Variants in TFAP2E observed in about 807,000 individuals in gnomAD.
TFAP2E encodes the protein transcription factor AP-2 epsilon, also known as transcription factor AP-2-epsilon.
Under a neutral mutation model 37.9 loss-of-function variants are expected in TFAP2E, and 30 were observed. The ratio of observed to expected loss-of-function variants is 0.79; its 90% CI spans 0.59 to 1.07. The LOEUF (loss-of-function observed/expected upper bound fraction) is 1.07. Among genes scored for constraint, TFAP2E ranks in the 50% least tolerant of loss-of-function variants. The pLI is 0.00. For missense variants in TFAP2E, 567 were observed against 637.9 expected (o/e 0.89, Z 1.20); for synonymous variants, 318 against 295.8 (o/e 1.08, Z -0.77).
At chr1:35,585,782 C>T (rs1485401584) in intron 3 of TFAP2E, among the ~76,000 whole-genome samples, 1 of 152,154 alleles carries the variant, frequency 6.6e-6, no homozygotes, top group Non-Finnish European at 1.5e-5. Flanking sequence ...TGGTGGCTCA[C>T]CCCTTTAATT....
chr1:35,573,624 G>A lies in TFAP2E; in HGVS notation c.27+20G>A. 1 of 1,538,806 alleles carries A rather than the reference G, an allele frequency of 6.5e-7. No individual in the cohort carries two copies. Among genetic ancestry groups the A allele is most frequent in the Non-Finnish European group, 8.8e-7 (1 of 1,142,774 alleles). ...GCCATGGTGAGTAGTCTCGGGCCCG[G>A]GACATATTCGGCCGGGGGATCGGGG... On this transcript the variant is annotated intron_variant, in intron 1 of 6. Coordinates refer to ENST00000373235, the MANE Select transcript of TFAP2E (RefSeq NM_178548.4). The surrounding 1 kb of genome is among the most constrained non-coding windows in gnomAD (Gnocchi z 5.9).
chr1:35,582,576 C>T (rs1422299998), intron 3 of TFAP2E, among the ~76,000 whole-genome samples: 2 of 147,482 alleles, frequency 1.4e-5, no homozygotes, highest in African/African-American at 5.0e-5. Context: ...CTCCTGGCTT[C>T]CAGTGATCCT....
intron 3 of TFAP2E, among the ~76,000 whole-genome samples, chr1:35,585,104 T>C (rs540380431): frequency 6.6e-6 from 1 of 151,886 alleles, no homozygotes; most frequent in Admixed American, 6.6e-5. Context: ...TGCACAGGGG[T>C]TGGTGCCTAA....
rs2148554403 is a variant in TFAP2E at position 35,591,681 on chromosome 1, AT to A, written c.1046+909del. Among the ~76,000 whole-genome samples, 2 of 152,240 alleles carry A rather than the reference AT, an allele frequency of 1.3e-5. 1 individual carries two copies. The highest frequency in any genetic ancestry group is 4.2e-4 in the South Asian group (2 of 4,816). On this transcript the variant is annotated intron_variant, in intron 6 of 6. Coordinates refer to ENST00000373235, the MANE Select transcript of TFAP2E (RefSeq NM_178548.4). ...TTTAACAAACTAGTATTCTATTAAG[AT>A]TTAGTTTTGTTTTTGTTTTTTGAGA...
chr1:35,573,499 C>T lies in TFAP2E; in HGVS notation c.-79C>T. 2 of 1,403,740 alleles carry T rather than the reference C, an allele frequency of 1.4e-6. No individual in the cohort carries two copies. The highest frequency in any genetic ancestry group is 3.7e-5 in the Admixed American group (1 of 27,254). 87.0% of individuals were successfully genotyped at this position (1,403,740 alleles called of 1,614,324 possible). ...GACCTCCGCGGGCTGTGCCGGCTCC[C>T]GGCGCCTCTGCCCGCAGCGCTCGCC... On this transcript the variant is annotated 5_prime_UTR_variant, in exon 1 of 7. Coordinates refer to ENST00000373235, the MANE Select transcript of TFAP2E (RefSeq NM_178548.4). The surrounding 1 kb of genome is among the most constrained non-coding windows in gnomAD (Gnocchi z 5.9).
Position 35,588,211 on chromosome 1 carries a change from A to G in TFAP2E, c.563-119A>G, listed in dbSNP as rs1028529325. The stretch of plus-strand genomic sequence containing the variant: ...TCCATCAGTTGAGGGAACTTGGGCG[A>G]GTCACTTTCACCTCACTGTGGCTCA... On this transcript the variant is annotated intron_variant, in intron 3 of 6. Transcript: ENST00000373235. This position sits in a 1 kb window ranked among gnomAD's most constrained non-coding sequence, Gnocchi z 5.1. 2.0e-6 allele frequency: 2 copies of G among 996,096 alleles called. No homozygotes were observed. The highest frequency in any genetic ancestry group is 2.8e-5 in the Admixed American group (1 of 35,976). The allele number at this position is 996,096 out of a possible 1,614,324, so 61.7% of individuals were successfully genotyped here. A position where few individuals can be genotyped will look rare whatever the true frequency, so the allele number is the denominator to read the frequency against.
chr1:35,594,209 T>C (rs1649764167), intron 6 of TFAP2E, among the ~76,000 whole-genome samples, 185 bp from the exon 7 acceptor site: 1 of 152,236 alleles, frequency 6.6e-6, no homozygotes, highest in Admixed American at 6.5e-5. Flanking sequence ...GATACTGGGC[T>C]AGTCAAATGA....
intron 2 of TFAP2E, 35 bp from the exon 3 acceptor site, chr1:35,574,914 T>C (rs1216058175): frequency 6.2e-7 from 1 of 1,613,394 alleles, no homozygotes; most frequent in East Asian, 2.2e-5. Flanking sequence ...GCTAGGGCTT[T>C]ATGCGCCCTC....
At position 35,577,288 on chromosome 1, in the gene TFAP2E, C is replaced by G. The variant is rs920825438; in HGVS notation, c.562+2288C>G. On this transcript the variant is annotated intron_variant, in intron 3 of 6. Coordinates refer to ENST00000373235, the MANE Select transcript of TFAP2E (RefSeq NM_178548.4). The surrounding 1 kb of genome is among the most constrained non-coding windows in gnomAD (Gnocchi z 6.3). Reference sequence around the variant, plus strand: ...CTTGCTCCCTGGAGCCGCCCCTCCCCACACCTGCCCTCGGCGCCCCCAGCA... The same window carrying G: ...CTTGCTCCCTGGAGCCGCCCCTCCCGACACCTGCCCTCGGCGCCCCCAGCA... The G allele has an allele frequency of 5.0e-5, 22 of 439,680 alleles. No homozygotes were observed. The highest frequency in any genetic ancestry group is 8.3e-5 in the Non-Finnish European group (18 of 216,678). 27.2% of individuals were successfully genotyped at this position (439,680 alleles called of 1,614,324 possible).
intron 3 of TFAP2E, among the ~76,000 whole-genome samples, chr1:35,581,575 T>C (rs1649349824): frequency 1.3e-5 from 2 of 151,082 alleles, no homozygotes; most frequent in Admixed American, 6.6e-5. Context: ...GTCTTTTTTT[T>C]CTTTTTTTTT....
rs149405268 is a variant in TFAP2E at position 35,579,725 on chromosome 1, G to A, written c.562+4725G>A. Among the ~76,000 whole-genome samples the A allele has an allele frequency of 2.5e-3, 375 of 152,174 alleles. 2 individuals carry two copies. Among genetic ancestry groups the A allele is most frequent in the African/African-American group, 8.0e-3 (334 of 41,524 alleles). ...AAATGAAAATAGTGCAAAAATCCAC[G>A]ATAAACAAAATATCAAAAATTTACT... On this transcript the variant is annotated intron_variant, in intron 3 of 6. Coordinates refer to ENST00000373235, the MANE Select transcript of TFAP2E (RefSeq NM_178548.4).
Position 35,577,568 on chromosome 1 carries a change from C to A in TFAP2E, c.562+2568C>A. The A allele has an allele frequency of 2.6e-6, 1 of 383,152 alleles. No individual in the cohort carries two copies. Among genetic ancestry groups the A allele is most frequent in the South Asian group, 1.8e-5 (1 of 56,672 alleles). The allele number at this position is 383,152 out of a possible 1,614,324, so 23.7% of individuals were successfully genotyped here. On this transcript the variant is annotated intron_variant, in intron 3 of 6. Coordinates refer to ENST00000373235, the MANE Select transcript of TFAP2E (RefSeq NM_178548.4). This position sits in a 1 kb window ranked among gnomAD's most constrained non-coding sequence, Gnocchi z 6.3. The stretch of plus-strand genomic sequence containing the variant: ...CAGTGCCTCCCAGCCTGGGCGGGAG[C>A]GGCGGCTGCGTCGCTGAAGGTTGGG...
chr1:35,578,558 A>G (rs1348797156), intron 3 of TFAP2E, among the ~76,000 whole-genome samples: 1 of 152,126 alleles, frequency 6.6e-6, no homozygotes, highest in East Asian at 1.9e-4. Flanking sequence ...GTGGTTGCCT[A>G]CTTGGGGGTG....
At chr1:35,592,556 T>A (rs1649718761) in intron 6 of TFAP2E, among the ~76,000 whole-genome samples, 2 of 152,010 alleles carry the variant, frequency 1.3e-5, no homozygotes, top group Admixed American at 6.6e-5. Flanking sequence ...TGCCACCACA[T>A]CTGGTTAATT....
intron 6 of TFAP2E, among the ~76,000 whole-genome samples, chr1:35,592,171 G>A (rs1295351300): frequency 6.6e-6 from 1 of 151,998 alleles, no homozygotes; most frequent in African/African-American, 2.4e-5. Context: ...TGTAGTCCCA[G>A]CTACTTGGGA....
intron 3 of TFAP2E, among the ~76,000 whole-genome samples, chr1:35,585,267 T>C (rs1481721984): frequency 6.6e-6 from 1 of 152,196 alleles, no homozygotes; most frequent in African/African-American, 2.4e-5. Flanking sequence ...TCATTGCCAA[T>C]GCTTAAAACT....
chr1:35,574,415 A>T lies in TFAP2E; in HGVS notation c.510+6A>T. ...CCGGTCTGGAGGACCTGCAGGTGAGACCCGAGGGATCCGGGATGGGTCGGG... is the reference window on the plus strand; with the variant it reads ...CCGGTCTGGAGGACCTGCAGGTGAGTCCCGAGGGATCCGGGATGGGTCGGG... On this transcript the variant is annotated splice_donor_region_variant and intron_variant, in intron 2 of 6. Coordinates refer to ENST00000373235, the MANE Select transcript of TFAP2E (RefSeq NM_178548.4). 1 of 1,412,708 alleles carries T rather than the reference A, an allele frequency of 7.1e-7. No individual in the cohort carries two copies. Among genetic ancestry groups the T allele is most frequent in the Non-Finnish European group, 9.2e-7 (1 of 1,092,730 alleles). 87.5% of individuals were successfully genotyped at this position (1,412,708 alleles called of 1,614,324 possible).
chr1:35,577,777 G>A lies in TFAP2E; in HGVS notation c.562+2777G>A, dbSNP rs897439139. ...GCTGACTGCAGGCAAGCGTCCGGGA[G>A]GGGCGGCCAGGCGAAGCCCCGGCGC... On this transcript the variant is annotated intron_variant, in intron 3 of 6. Coordinates refer to ENST00000373235, the MANE Select transcript of TFAP2E (RefSeq NM_178548.4). This position sits in a 1 kb window ranked among gnomAD's most constrained non-coding sequence, Gnocchi z 6.3. 8.5e-6 allele frequency: 2 copies of A among 236,686 alleles called. No homozygotes were observed. Among genetic ancestry groups the A allele is most frequent in the African/African-American group, 4.5e-5 (2 of 43,986 alleles). The allele number at this position is 236,686 out of a possible 1,614,324, so 14.7% of individuals were successfully genotyped here.
In TFAP2E at chr1:35,577,581, G is replaced by A. The variant is rs1328064364; in HGVS notation, c.562+2581G>A. 2.6e-6 allele frequency: 1 copy of A among 377,912 alleles called. No individual in the cohort carries two copies. 23.4% of individuals were successfully genotyped at this position (377,912 alleles called of 1,614,324 possible). ...CCTGGGCGGGAGCGGCGGCTGCGTC[G>A]CTGAAGGTTGGGGTCCTTGGTGCGA... On this transcript the variant is annotated intron_variant, in intron 3 of 6. Transcript: ENST00000373235. This position sits in a 1 kb window ranked among gnomAD's most constrained non-coding sequence, Gnocchi z 6.3.
Sources: allele counts gnomAD v4.1 joint callset (sites outside exome capture counted in the v4.1 genomes callset), GRCh38; gene constraint gnomAD v4.1.1; non-coding constraint Gnocchi (gnomAD v3.1); transcripts MANE v1.5; gene names NCBI Gene and HGNC (gene_info 2026-07-23, HGNC 2026-07-21).